SNX29: variants seen among roughly 807,000 people sequenced by gnomAD.
The protein encoded by SNX29 is sorting nexin 29, also known as sorting nexin-29.
SNX29 carries 78 observed loss-of-function variants against 102.1 expected under a neutral mutation model. The observed-to-expected ratio is 0.76, with a 90% CI of 0.64 to 0.92. The LOEUF (loss-of-function observed/expected upper bound fraction) is 0.92, where lower values mean the gene tolerates loss of function less well. Among genes scored for constraint, SNX29 ranks in the 40% least tolerant of loss-of-function variants. The probability of loss-of-function intolerance (pLI) is 0.00; values close to 1 mark genes in which losing one functional copy is unlikely to be tolerated. For missense variants in SNX29, 1,280 were observed against 1,061.7 expected (o/e 1.21, Z -2.86); for synonymous variants, 580 against 414.5 (o/e 1.40, Z -4.85).
chr16:12,265,488 T>C (rs928917035), intron 14 of SNX29, among the ~76,000 whole-genome samples: 1 of 152,038 alleles, frequency 6.6e-6, no homozygotes, highest in Admixed American at 6.6e-5. Flanking sequence ...GAAAGACACA[T>C]GAGACATGAA....
intron 1 of SNX29, chr16:11,977,071 G>C: frequency 2.6e-6 from 1 of 387,000 alleles, no homozygotes; most frequent in Non-Finnish European, 4.5e-6. Flanking sequence ...CTAAACCCCT[G>C]TCCCCAGTTG....
chr16:12,190,772 G>C (rs2076622051), intron 13 of SNX29, among the ~76,000 whole-genome samples: 2 of 152,226 alleles, frequency 1.3e-5, no homozygotes, highest in Middle Eastern at 6.8e-3. Context: ...GGAGGGGAGG[G>C]GGTCGGGTCT....
intron 18 of SNX29, among the ~76,000 whole-genome samples, chr16:12,463,275 T>C (rs1157984224): frequency 6.6e-6 from 1 of 152,234 alleles, no homozygotes; most frequent in East Asian, 1.9e-4. Context: ...GCTAGAAGTT[T>C]TTCATTGCCT....
chr16:12,130,195 A>T (rs2054399550), intron 13 of SNX29, among the ~76,000 whole-genome samples: 1 of 149,914 alleles, frequency 6.7e-6, no homozygotes, highest in Admixed American at 6.6e-5. Flanking sequence ...AAAAAAAAAA[A>T]GCCGGGCATG....
rs201192074 is a variant in SNX29 at position 12,042,917 on chromosome 16, G to A, written c.268G>A (p.Val90Met). The change falls in exon 5 of 21, where the codon GTG becomes ATG. Residue 90 changes from valine to methionine, a missense_variant. Physicochemically the swap from Val to Met is conservative, Grantham distance 21. Coordinates refer to ENST00000566228, the MANE Select transcript of SNX29 (RefSeq NM_032167.5). ...TETEPVFWYYVKEVLNKHELQ... is the reference protein window; with the variant it reads ...TETEPVFWYYMKEVLNKHELQ... ...CGTAGAGCCCGTGTTCTGGTACTAC[G>A]TGAAGGAGGTCCTCAACAAGCACGA... 7 of 1,612,574 alleles carry A rather than the reference G, an allele frequency of 4.3e-6. No individual in the cohort carries two copies. The African/African-American group carries it at 8.0e-5, about 18-fold the overall frequency.
intron 3 of SNX29, among the ~76,000 whole-genome samples, chr16:12,017,490 TTTAG>T (rs1254421857): frequency 2.0e-5 from 3 of 152,236 alleles, no homozygotes; most frequent in Admixed American, 6.5e-5. Context: ...CATCTGTCAC[TTTAG>T]TTATTGTTTC....
chr16:12,288,628 A>G (rs1229161430), intron 15 of SNX29, among the ~76,000 whole-genome samples: 2 of 150,254 alleles, frequency 1.3e-5, no homozygotes, highest in African/African-American at 4.9e-5. Context: ...CTGCATCACT[A>G]TGATGGCACC....
chr16:12,280,851 A>C (rs1024298026), intron 15 of SNX29, among the ~76,000 whole-genome samples: 16 of 152,172 alleles, frequency 1.1e-4, no homozygotes, highest in African/African-American at 3.9e-4. Flanking sequence ...TGAGGGGAAA[A>C]GTTGATATAG....
At chr16:12,168,340 G>C (rs1237151082) in intron 13 of SNX29, among the ~76,000 whole-genome samples, 3 of 152,164 alleles carry the variant, frequency 2.0e-5, no homozygotes, top group Non-Finnish European at 4.4e-5. Flanking sequence ...ATGACCTAGA[G>C]GAAAGCGTGA....
At chr16:12,463,351 C>T (rs1231261297) in intron 18 of SNX29, among the ~76,000 whole-genome samples, 1 of 152,138 alleles carries the variant, frequency 6.6e-6, no homozygotes, top group African/African-American at 2.4e-5. Context: ...GGGCAGTTTA[C>T]AAAAGAAAGA....
intron 4 of SNX29, among the ~76,000 whole-genome samples, chr16:12,037,936 CAG>C (rs1387865029): frequency 6.6e-6 from 1 of 151,856 alleles, no homozygotes; most frequent in Non-Finnish European, 1.5e-5. Context: ...GCCTGGGCGA[CAG>C]AGTGAGACCT....
At chr16:12,088,679 C>T (rs1257132915) in intron 11 of SNX29, among the ~76,000 whole-genome samples, 3 of 152,228 alleles carry the variant, frequency 2.0e-5, no homozygotes, top group African/African-American at 4.8e-5. Flanking sequence ...GGGGCAGTGG[C>T]GCACGCCTGT....
At chr16:12,190,980 A>G (rs1256204853) in intron 13 of SNX29, among the ~76,000 whole-genome samples, 1 of 152,152 alleles carries the variant, frequency 6.6e-6, no homozygotes, top group Non-Finnish European at 1.5e-5. Flanking sequence ...ATTGTTTCAC[A>G]AAGATGGTGT....
intron 16 of SNX29, among the ~76,000 whole-genome samples, chr16:12,369,980 G>A (rs2082623533): frequency 6.6e-6 from 1 of 152,182 alleles, no homozygotes; most frequent in South Asian, 2.1e-4. Flanking sequence ...ACTTTGGGAG[G>A]CTGAGGTGGG....
intron 13 of SNX29, among the ~76,000 whole-genome samples, chr16:12,175,992 C>G (rs1431754149): frequency 6.7e-6 from 1 of 148,738 alleles, no homozygotes; most frequent in Non-Finnish European, 1.5e-5. Flanking sequence ...GGCAATAGAG[C>G]AAGACCTTGT....
chr16:12,147,977 GAC>G (rs538192126), intron 13 of SNX29, among the ~76,000 whole-genome samples: 9 of 152,248 alleles, frequency 5.9e-5, no homozygotes, highest in Non-Finnish European at 1.3e-4. Context: ...TTTAAAGAGA[GAC>G]AACTGTCAAG....
intron 15 of SNX29, among the ~76,000 whole-genome samples, chr16:12,286,393 T>C (rs1457509638): frequency 6.6e-6 from 1 of 150,476 alleles, no homozygotes; most frequent in Non-Finnish European, 1.5e-5. Flanking sequence ...TTGCCCAGGC[T>C]GGAGTGCAGT....
intron 17 of SNX29, among the ~76,000 whole-genome samples, chr16:12,398,843 C>T (rs961017216): frequency 6.9e-6 from 1 of 145,210 alleles, no homozygotes; most frequent in African/African-American, 2.6e-5. Context: ...TAAAAGCTAT[C>T]CCCTTTGCAC....
At chr16:12,386,632 A>G (rs996766184) in intron 16 of SNX29, among the ~76,000 whole-genome samples, 1 of 152,254 alleles carries the variant, frequency 6.6e-6, no homozygotes, top group African/African-American at 2.4e-5. Flanking sequence ...CTGCTAAAAA[A>G]GAAAATAATA....
Sources: gnomAD v4.1 joint callset for allele counts (sites outside exome capture counted in the v4.1 genomes callset) on GRCh38, gnomAD v4.1.1 for gene constraint, MANE v1.5 for transcripts, NCBI Gene and HGNC (gene_info 2026-07-23, HGNC 2026-07-21) for gene names.